Variants in MICU1 observed in about 807,000 individuals in gnomAD.
MICU1 encodes mitochondrial calcium uptake 1, also known as calcium uptake protein 1, mitochondrial.
Under a neutral mutation model 56.8 loss-of-function variants are expected in MICU1, and 45 were observed. The ratio of observed to expected loss-of-function variants is 0.79; its 90% CI spans 0.62 to 1.02. The LOEUF is 1.02. Among genes scored for constraint, MICU1 ranks in the 50% least tolerant of loss-of-function variants. The pLI is 0.00. For missense variants in MICU1, 504 were observed against 587.1 expected (o/e 0.86, Z 1.46); for synonymous variants, 186 against 195.1 (o/e 0.95, Z 0.39).
intron 3 of MICU1, among the ~76,000 whole-genome samples, chr10:72,559,675 T>A (rs760479620): frequency 2.1e-4 from 32 of 152,208 alleles, no homozygotes; most frequent in East Asian, 5.8e-4. Context: ...AACTTTTTTT[T>A]AAATAAAATT....
At chr10:72,368,702 C>T (rs1003209032) in intron 11 of MICU1, among the ~76,000 whole-genome samples, 5 of 152,040 alleles carry the variant, frequency 3.3e-5, no homozygotes, top group African/African-American at 1.2e-4. Context: ...GTGGGGTAAA[C>T]GGAGGATGCT....
At chr10:72,386,252 G>A (rs778037190) in intron 10 of MICU1, among the ~76,000 whole-genome samples, 11 of 152,110 alleles carry the variant, frequency 7.2e-5, no homozygotes, top group Non-Finnish European at 1.3e-4. Context: ...CGTGATCTTG[G>A]CTCACTACAA....
At chr10:72,510,018 G>T (rs1867391399) in intron 5 of MICU1, among the ~76,000 whole-genome samples, 1 of 152,116 alleles carries the variant, frequency 6.6e-6, no homozygotes, top group African/African-American at 2.4e-5. Context: ...CAATAAATGT[G>T]TATAGAAGCT....
At chr10:72,385,534 G>C (rs577514581) in intron 10 of MICU1, among the ~76,000 whole-genome samples, 2 of 152,034 alleles carry the variant, frequency 1.3e-5, no homozygotes, top group Non-Finnish European at 2.9e-5. Flanking sequence ...CAAAGTAAGG[G>C]TTTAAACAAA....
chr10:72,620,119 T>G (rs56749645), intron 1 of MICU1, among the ~76,000 whole-genome samples: 8,084 of 152,170 alleles, frequency 0.053, 735 homozygotes, highest in African/African-American at 0.18. Flanking sequence ...AAATTATAAA[T>G]TTTTGCTTAT....
intron 8 of MICU1, among the ~76,000 whole-genome samples, chr10:72,463,802 T>C (rs1222699410): frequency 1.3e-5 from 2 of 152,336 alleles, no homozygotes; most frequent in East Asian, 3.9e-4. Context: ...AGCAATGTCT[T>C]AGACCACACG....
At chr10:72,431,143 T>TCTATCTATCTA (rs80325338) in intron 8 of MICU1, among the ~76,000 whole-genome samples, 3 of 150,378 alleles carry the variant, frequency 2.0e-5, no homozygotes, top group Non-Finnish European at 4.4e-5. Context: ...TATCTATCTA[T>TCTATCTATCTA]TTTCTGAGAT....
At chr10:72,406,896 G>A (rs1166288915) in intron 10 of MICU1, among the ~76,000 whole-genome samples, 2 of 152,104 alleles carry the variant, frequency 1.3e-5, no homozygotes, top group African/African-American at 2.4e-5. Flanking sequence ...CAAAGTGTTC[G>A]GATTACAGGC....
At chr10:72,441,615 C>CTTTTTTTTTTTTTT (rs71018287) in intron 8 of MICU1, among the ~76,000 whole-genome samples, 1 of 105,474 alleles carries the variant, frequency 9.5e-6, no homozygotes, top group African/African-American at 3.7e-5. Flanking sequence ...TTTAATTTTT[C>CTTTTTTTTTTTTTT]TTTTTTTTTT....
chr10:72,616,574 C>T (rs3009531), intron 1 of MICU1, among the ~76,000 whole-genome samples: 86,290 of 143,210 alleles, frequency 0.6, 26,593 homozygotes, highest in Non-Finnish European at 0.68. Flanking sequence ...GCAACAAGAG[C>T]GAAACTCCAT....
chr10:72,394,645 C>T (rs1413955377), intron 10 of MICU1, among the ~76,000 whole-genome samples: 1 of 151,322 alleles, frequency 6.6e-6, no homozygotes, highest in African/African-American at 2.4e-5. Flanking sequence ...AAAAACCCAC[C>T]CATATGTAGT....
chr10:72,613,947 C>A (rs1232583328), intron 1 of MICU1, among the ~76,000 whole-genome samples: 1 of 152,154 alleles, frequency 6.6e-6, no homozygotes, highest in Admixed American at 6.6e-5. Context: ...GAGTTCAAGA[C>A]CAGCCTGGCC....
intron 8 of MICU1, among the ~76,000 whole-genome samples, chr10:72,425,393 C>T (rs903240511): frequency 8.5e-5 from 13 of 152,190 alleles, no homozygotes; most frequent in African/African-American, 2.9e-4. Context: ...TTATAAAAGG[C>T]CTTTATTCTC....
chr10:72,607,652 A>AG (rs1841729136), intron 1 of MICU1, among the ~76,000 whole-genome samples: 1 of 151,916 alleles, frequency 6.6e-6, no homozygotes, highest in African/African-American at 2.4e-5. Flanking sequence ...AAAAAAAAAA[A>AG]AAAAGATAAG....
At chr10:72,613,202 CTA>C (rs1302731311) in intron 1 of MICU1, among the ~76,000 whole-genome samples, 1 of 151,372 alleles carries the variant, frequency 6.6e-6, no homozygotes, top group African/African-American at 2.4e-5. Context: ...ACTCATCAAA[CTA>C]TTTTTTATGT....
intron 6 of MICU1, among the ~76,000 whole-genome samples, chr10:72,490,498 G>A (rs1866619074): frequency 6.6e-6 from 1 of 152,174 alleles, no homozygotes; most frequent in African/African-American, 2.4e-5. Flanking sequence ...TACCTGTGGA[G>A]CTTTGGAGGG....
Position 72,400,866 on chromosome 10 carries a change from TACACACACACAC to T in MICU1, c.1180+7051_1180+7062del, listed in dbSNP as rs61091649. ...TTCTAGAGAAATGATCTGGTGGTGC[TACACACACACAC>T]ACACACACACACACACACACACACA... On this transcript the variant is annotated intron_variant, in intron 10 of 11. Coordinates refer to ENST00000361114, the MANE Select transcript of MICU1 (RefSeq NM_001195518.2). 4.3e-4 allele frequency among the ~76,000 whole-genome samples: 61 copies of T among 142,330 alleles called. 1 individual carries two copies. The highest frequency in any genetic ancestry group is 3.7e-3 in the East Asian group (18 of 4,902). The allele number at this position is 142,330 out of a possible 152,430, so 93.4% of individuals were successfully genotyped here.
In MICU1 at chr10:72,566,805, T is replaced by C; in HGVS notation, c.-1-11A>G. The C allele has an allele frequency of 1.2e-6, 2 of 1,601,758 alleles. No homozygotes were observed. Among genetic ancestry groups the C allele is most frequent in the South Asian group, 2.2e-5 (2 of 89,102 alleles). On this transcript the variant is annotated splice_polypyrimidine_tract_variant and intron_variant, in intron 1 of 11. Transcript: ENST00000361114. ...TTCAGACGAAACATCCTGTGGACAA[T>C]AAGTAGAAATGTCACTCTTAGCTAG... is the stretch of plus-strand genomic sequence containing the variant.
chr10:72,490,069 G>A (rs543637424), intron 6 of MICU1, among the ~76,000 whole-genome samples: 41 of 152,312 alleles, frequency 2.7e-4, no homozygotes, highest in South Asian at 8.3e-4. Flanking sequence ...TGTTTGCAGG[G>A]AGGGACCAAA....
Sources: allele counts gnomAD v4.1 joint callset (sites outside exome capture counted in the v4.1 genomes callset), GRCh38; gene constraint gnomAD v4.1.1; transcripts MANE v1.5; gene names NCBI Gene and HGNC (gene_info 2026-07-23, HGNC 2026-07-21).